The following TDRD3 variants were observed in gnomAD, a reference collection of about 807,000 sequenced individuals.
TDRD3 encodes tudor domain-containing protein 3.
Under a neutral mutation model 86.7 loss-of-function variants are expected in TDRD3, and 45 were observed. That is an observed-to-expected ratio of 0.52 (90% CI 0.41 to 0.67). The LOEUF is 0.67. Ranked by LOEUF, TDRD3 falls within the 30% of genes least tolerant of loss-of-function variation. TDRD3 has a pLI of 0.00. For synonymous variants in TDRD3, 298 were observed against 301.7 expected (o/e 0.99, Z 0.13); for missense variants, 814 against 889.0 (o/e 0.92, Z 1.07).
chr13:60,516,595 A>G (rs1957175217), intron 10 of TDRD3, among the ~76,000 whole-genome samples: 1 of 152,228 alleles, frequency 6.6e-6, no homozygotes, highest in African/African-American at 2.4e-5. Context: ...GTCTTTGGGC[A>G]AGATATAGAA....
intron 1 of TDRD3, among the ~76,000 whole-genome samples, chr13:60,418,753 CAGAT>C (rs1401675974): frequency 1.3e-5 from 2 of 152,212 alleles, no homozygotes; most frequent in Non-Finnish European, 1.5e-5. Context: ...TCTGTGCCCA[CAGAT>C]AGTCTTTTTC....
rs114133266 is a variant in TDRD3, at chr13:60,402,219, T to G, written c.41+4814T>G. ...GCCTGCAGCCACTGCTGTGCCTTTGTTTGTTTGGTTCTAGTTTTCTTAGAG... is the reference window on the plus strand; with the variant it reads ...GCCTGCAGCCACTGCTGTGCCTTTGGTTGTTTGGTTCTAGTTTTCTTAGAG... On this transcript the variant is annotated intron_variant, in intron 1 of 13. Coordinates refer to ENST00000377881, the MANE Select transcript of TDRD3 (RefSeq NM_001146070.2). 1.8e-3 allele frequency among the ~76,000 whole-genome samples: 280 copies of G among 152,306 alleles called. 2 individuals carry two copies. The highest frequency in any genetic ancestry group is 6.1e-3 in the African/African-American group (254 of 41,574).
At chr13:60,530,381 A>G (rs1229138869) in intron 11 of TDRD3, among the ~76,000 whole-genome samples, 1 of 152,098 alleles carries the variant, frequency 6.6e-6, no homozygotes, top group East Asian at 1.9e-4. Flanking sequence ...TATGTAAGGG[A>G]GTTACAGAGC....
intron 5 of TDRD3, among the ~76,000 whole-genome samples, chr13:60,480,732 C>A (rs1330056681): frequency 1.3e-5 from 2 of 152,032 alleles, no homozygotes; most frequent in Non-Finnish European, 2.9e-5. Context: ...CAGGGGAATG[C>A]CATGGGTGTG....
At chr13:60,499,473 T>C (rs1200426011) in intron 8 of TDRD3, among the ~76,000 whole-genome samples, 1 of 152,230 alleles carries the variant, frequency 6.6e-6, no homozygotes, top group Non-Finnish European at 1.5e-5. Flanking sequence ...TTACTGTCCT[T>C]CCTCAGGGGT....
chr13:60,503,863 C>A (rs187061812), intron 8 of TDRD3, among the ~76,000 whole-genome samples: 230 of 152,278 alleles, frequency 1.5e-3, no homozygotes, highest in Admixed American at 3.3e-3. Flanking sequence ...TTAATGTTAA[C>A]CCCAATTGGT....
intron 12 of TDRD3, among the ~76,000 whole-genome samples, chr13:60,551,320 A>G (rs1958048283): frequency 6.6e-6 from 1 of 152,242 alleles, no homozygotes; most frequent in Admixed American, 6.5e-5. Flanking sequence ...TGTGAGGAAC[A>G]TAATAATTAT....
chr13:60,422,564 A>C (rs1343041628), intron 1 of TDRD3, among the ~76,000 whole-genome samples: 3 of 152,170 alleles, frequency 2.0e-5, no homozygotes, highest in Non-Finnish European at 4.4e-5. Context: ...TAAAAAACTA[A>C]AGACAGAAGT....
intron 5 of TDRD3, among the ~76,000 whole-genome samples, chr13:60,470,832 C>T (rs1482958918): frequency 6.6e-6 from 1 of 152,096 alleles, no homozygotes; most frequent in African/African-American, 2.4e-5. Flanking sequence ...ATCTGCCGGT[C>T]TCAGCCTCTA....
chr13:60,545,276 G>C (rs760970696), intron 12 of TDRD3, among the ~76,000 whole-genome samples: 2 of 152,132 alleles, frequency 1.3e-5, no homozygotes, highest in Non-Finnish European at 2.9e-5. Flanking sequence ...AGCATGTTAA[G>C]TGAATGAGAT....
intron 11 of TDRD3, among the ~76,000 whole-genome samples, chr13:60,529,418 G>T (rs373928338): frequency 4.6e-5 from 7 of 152,100 alleles, no homozygotes; most frequent in African/African-American, 1.7e-4. Flanking sequence ...AATCTGTCCC[G>T]TAAGATTTGG....
chr13:60,469,309 G>A (rs1956022159), intron 5 of TDRD3, among the ~76,000 whole-genome samples: 2 of 151,000 alleles, frequency 1.3e-5, no homozygotes, highest in South Asian at 4.2e-4. Flanking sequence ...TTTTTAAAGT[G>A]TGGTAAAAAG....
chr13:60,450,829 G>A (rs1263048923), intron 3 of TDRD3, among the ~76,000 whole-genome samples: 2 of 152,040 alleles, frequency 1.3e-5, no homozygotes, highest in Admixed American at 6.6e-5. Flanking sequence ...TTTAGTGAGG[G>A]TATTAGGTTG....
chr13:60,571,646 A>G (rs1242558917), intron 13 of TDRD3, among the ~76,000 whole-genome samples: 1 of 152,180 alleles, frequency 6.6e-6, no homozygotes, highest in African/African-American at 2.4e-5. Flanking sequence ...TTAAATCAGT[A>G]TGTTTTGATA....
rs1955859513 is a variant in TDRD3, at chr13:60,463,981, A to C, written c.354-3257A>C. ...ATGGCTTGGTGCCATCCTTGCAGTG[A>C]GTGAGTTCTTTATTACTTCCTGTGG... On this transcript the variant is annotated intron_variant, in intron 4 of 13. Coordinates refer to ENST00000377881, the MANE Select transcript of TDRD3 (RefSeq NM_001146070.2). Among the ~76,000 whole-genome samples, 5 of 152,254 alleles carry C rather than the reference A, an allele frequency of 3.3e-5. No homozygotes were observed. The South Asian group carries it at 8.3e-4, about 25-fold the overall frequency.
At chr13:60,403,903 CTA>C (rs1386052131) in intron 1 of TDRD3, among the ~76,000 whole-genome samples, 1 of 152,170 alleles carries the variant, frequency 6.6e-6, no homozygotes, top group African/African-American at 2.4e-5. Flanking sequence ...ATATGTAACT[CTA>C]TACAATAATA....
At chr13:60,476,855 G>T (rs1956196656) in intron 5 of TDRD3, among the ~76,000 whole-genome samples, 1 of 151,462 alleles carries the variant, frequency 6.6e-6, no homozygotes, top group Admixed American at 6.6e-5. Flanking sequence ...TTTGAGTCTG[G>T]GTGCTATTGG....
chr13:60,397,249 AGAG>A lies in TDRD3; in HGVS notation c.-112_-110del, dbSNP rs1953940376. 3.6e-6 allele frequency: 2 copies of A among 557,222 alleles called. No homozygotes were observed. The highest frequency in any genetic ancestry group is 3.9e-5 in the Admixed American group (1 of 25,608). The allele number at this position is 557,222 out of a possible 1,614,324, so 34.5% of individuals were successfully genotyped here. ...AGCATGCCCAGTTGCAGAGCCGACC[AGAG>A]GAGTTTTTTCTTTTCTTTTCTTTTT... On this transcript the variant is annotated 5_prime_UTR_variant, in exon 1 of 14. Coordinates refer to ENST00000377881, the MANE Select transcript of TDRD3 (RefSeq NM_001146070.2).
At chr13:60,397,092 A>T (rs952211405), upstream of TDRD3, 10 of 350,374 alleles carry the variant, frequency 2.9e-5, no homozygotes, top group Admixed American at 4.8e-4. Flanking sequence ...TCCTGACTCC[A>T]GCCACCAGCC....
Sources: allele counts gnomAD v4.1 joint callset (sites outside exome capture counted in the v4.1 genomes callset), GRCh38; gene constraint gnomAD v4.1.1; transcripts MANE v1.5; gene names NCBI Gene and HGNC (gene_info 2026-07-23, HGNC 2026-07-21).